The following QKI variants were observed in gnomAD, a reference collection of about 807,000 sequenced individuals.
The protein encoded by QKI is QKI, KH domain containing RNA binding.
Under a neutral mutation model 39.0 loss-of-function variants are expected in QKI, and 10 were observed. That is an observed-to-expected ratio of 0.26 (90% CI 0.16 to 0.43). The LOEUF (loss-of-function observed/expected upper bound fraction) is 0.43, where lower values mean the gene tolerates loss of function less well. QKI is among the 20% of genes least tolerant of loss of function. The pLI, the probability that QKI is intolerant of heterozygous loss-of-function variation, is 1.00. For missense variants in QKI, 218 were observed against 428.0 expected (o/e 0.51, Z 4.33); for synonymous variants, 204 against 155.4 (o/e 1.31, Z -2.33).
At chr6:163,565,699 A>C in intron 6 of QKI, 1 of 1,167,210 alleles carries the variant, frequency 8.6e-7, no homozygotes, top group African/African-American at 1.6e-5. Flanking sequence ...TTGCCACCTA[A>C]GCAGTAAAAC....
At chr6:163,543,831 C>G (rs1781694107) in intron 4 of QKI, among the ~76,000 whole-genome samples, 2 of 151,842 alleles carry the variant, frequency 1.3e-5, no homozygotes, top group African/African-American at 4.8e-5. Context: ...TGTTCCAAGT[C>G]TCTAGAGGAA....
At chr6:163,514,630 C>G (rs928729635) in intron 3 of QKI, among the ~76,000 whole-genome samples, 1 of 151,968 alleles carries the variant, frequency 6.6e-6, no homozygotes, top group Non-Finnish European at 1.5e-5. Flanking sequence ...CTATTTTACT[C>G]GGATATGTAT....
intron 1 of QKI, among the ~76,000 whole-genome samples, chr6:163,433,286 A>T (rs1399102617): frequency 2.6e-5 from 4 of 152,192 alleles, no homozygotes; most frequent in Non-Finnish European, 5.9e-5. Context: ...TTAAAGACAG[A>T]TGGCTTGAAG....
Position 163,414,891 on chromosome 6 carries a change from C to G in QKI, c.-303C>G, listed in dbSNP as rs1787291337. ...CAGCAGCCCGCGCCCCGCGCCCGCA[C>G]TCGGCCAGCCGAGACCCGCCTCCCG... On this transcript the variant is annotated 5_prime_UTR_variant, in exon 1 of 8. Coordinates refer to ENST00000361752, the MANE Select transcript of QKI (RefSeq NM_006775.3). 6.9e-6 allele frequency: 1 copy of G among 145,854 alleles called. No homozygotes were observed. 9.0% of individuals were successfully genotyped at this position (145,854 alleles called of 1,614,324 possible). A position where few individuals can be genotyped will look rare whatever the true frequency, so the allele number is the denominator to read the frequency against.
At chr6:163,421,697 T>C (rs980569241) in intron 1 of QKI, among the ~76,000 whole-genome samples, 2 of 152,154 alleles carry the variant, frequency 1.3e-5, no homozygotes, top group Non-Finnish European at 2.9e-5. Flanking sequence ...CTTAGAAAAC[T>C]GATAAATTGA....
chr6:163,506,011 G>T (rs1779071390), intron 3 of QKI, among the ~76,000 whole-genome samples: 1 of 152,086 alleles, frequency 6.6e-6, no homozygotes, highest in Non-Finnish European at 1.5e-5. Context: ...GATAGTGAGT[G>T]AGTTCTCATG....
chr6:163,458,723 C>G (rs943504701), intron 2 of QKI, among the ~76,000 whole-genome samples: 26 of 151,970 alleles, frequency 1.7e-4, no homozygotes, highest in African/African-American at 6.3e-4. Flanking sequence ...GAAGTTTGGC[C>G]TCATGATGTG....
chr6:163,554,379 T>A (rs1320729327), intron 4 of QKI, among the ~76,000 whole-genome samples: 1 of 152,072 alleles, frequency 6.6e-6, no homozygotes, highest in African/African-American at 2.4e-5. Flanking sequence ...GGCAAAGAAG[T>A]AGTAGTTGTA....
chr6:163,514,902 A>G (rs1189512887), intron 3 of QKI, among the ~76,000 whole-genome samples: 1 of 152,176 alleles, frequency 6.6e-6, no homozygotes, highest in African/African-American at 2.4e-5. Context: ...ACTACATTGA[A>G]ATGTATTTTA....
At chr6:163,497,637 G>GT (rs1489204927) in intron 3 of QKI, among the ~76,000 whole-genome samples, 1 of 73,992 alleles carries the variant, frequency 1.4e-5, no homozygotes, top group Non-Finnish European at 3.2e-5. Context: ...GATATTGTTT[G>GT]TTAAAAAAAA....
At chr6:163,569,938 T>C (rs1783606876) in intron 7 of QKI, 1 of 986,906 alleles carries the variant, frequency 1.0e-6, no homozygotes, top group Non-Finnish European at 1.2e-6. Context: ...AAGTGCATTT[T>C]ATAAGTGTTC....
chr6:163,436,744 C>T (rs999230973), intron 1 of QKI, among the ~76,000 whole-genome samples: 1 of 125,976 alleles, frequency 7.9e-6, no homozygotes, highest in Non-Finnish European at 1.6e-5. Flanking sequence ...GAGCCAAGAT[C>T]ACTCCATTGC....
chr6:163,459,363 G>T (rs757115098), intron 2 of QKI, among the ~76,000 whole-genome samples: 7 of 152,160 alleles, frequency 4.6e-5, no homozygotes, highest in Non-Finnish European at 8.8e-5. Context: ...GGGAGAGGGG[G>T]TACTATTGGC....
intron 2 of QKI, among the ~76,000 whole-genome samples, chr6:163,469,024 C>T (rs1177929860): frequency 1.3e-5 from 2 of 151,760 alleles, no homozygotes; most frequent in Admixed American, 6.6e-5. Context: ...CTGTTTGTGG[C>T]TTCTTGGGGC....
chr6:163,517,536 G>C (rs1779909063), intron 3 of QKI, among the ~76,000 whole-genome samples: 1 of 152,048 alleles, frequency 6.6e-6, no homozygotes, highest in Non-Finnish European at 1.5e-5. Context: ...TCCTGCCTCA[G>C]CCTCCAAAGT....
At chr6:163,445,749 G>A (rs1790106055) in intron 1 of QKI, among the ~76,000 whole-genome samples, 1 of 152,064 alleles carries the variant, frequency 6.6e-6, no homozygotes, top group East Asian at 1.9e-4. Context: ...TGAGTAGCTG[G>A]GACTACAGGC....
intron 1 of QKI, among the ~76,000 whole-genome samples, chr6:163,444,750 T>G (rs955577150): frequency 6.6e-6 from 1 of 152,190 alleles, no homozygotes; most frequent in Non-Finnish European, 1.5e-5. Context: ...AATTAAAATT[T>G]TAACAACATT....
chr6:163,563,789 A>AT lies in QKI; in HGVS notation c.934+71dup, dbSNP rs776710500. On this transcript the variant is annotated intron_variant, in intron 6 of 7. Transcript: ENST00000361752. ...TATTTTTGCTCCCTCAGATTTTGAAATGATTTTATCAGTTTTAGAGAGGCA... is the reference window on the plus strand; with the variant it reads ...TATTTTTGCTCCCTCAGATTTTGAAATTGATTTTATCAGTTTTAGAGAGGCA... 4 of 1,538,762 alleles carry AT rather than the reference A, an allele frequency of 2.6e-6. No homozygotes were observed. In the African/African-American group the frequency reaches 5.5e-5, roughly 21 times the overall value.
At chr6:163,483,358 GAAC>G (rs1223236260) in intron 3 of QKI, among the ~76,000 whole-genome samples, 6 of 152,136 alleles carry the variant, frequency 3.9e-5, no homozygotes, top group African/African-American at 7.2e-5. Context: ...CTTAAAATAA[GAAC>G]AACGAAGTTT....
Sources: gnomAD v4.1 joint callset for allele counts (sites outside exome capture counted in the v4.1 genomes callset) on GRCh38, gnomAD v4.1.1 for gene constraint, MANE v1.5 for transcripts, NCBI Gene and HGNC (gene_info 2026-07-23, HGNC 2026-07-21) for gene names.